Variants in TECPR2 observed in about 807,000 individuals in gnomAD.
TECPR2 encodes tectonin beta-propeller repeat containing 2.
TECPR2 carries 65 observed loss-of-function variants against 138.1 expected under a neutral mutation model. That is an observed-to-expected ratio of 0.47 (90% CI 0.39 to 0.58). The LOEUF is 0.58. Ranked by LOEUF, TECPR2 falls within the 20% of genes least tolerant of loss-of-function variation. TECPR2 has a pLI of 0.00. For synonymous variants in TECPR2, 746 were observed against 749.8 expected (o/e 0.99, Z 0.08); for missense variants, 1,553 against 1,824.5 (o/e 0.85, Z 2.71).
At chr14:102,475,639 T>A (rs1890741891) in intron 17 of TECPR2, among the ~76,000 whole-genome samples, 1 of 152,114 alleles carries the variant, frequency 6.6e-6, no homozygotes, top group African/African-American at 2.4e-5. Context: ...TACCAGCATC[T>A]TAGAACAAAG....
At chr14:102,409,504 G>C (rs1013489763) in intron 4 of TECPR2, among the ~76,000 whole-genome samples, 1 of 152,012 alleles carries the variant, frequency 6.6e-6, no homozygotes, top group African/African-American at 2.4e-5. Context: ...TTACCATGTT[G>C]GTCAGGCTGG....
intron 2 of TECPR2, among the ~76,000 whole-genome samples, chr14:102,394,541 T>A (rs1888264092): frequency 6.6e-6 from 1 of 152,152 alleles, no homozygotes; most frequent in African/African-American, 2.4e-5. Context: ...AGGTCAAGGC[T>A]GCAGTGAGCC....
intron 2 of TECPR2, among the ~76,000 whole-genome samples, chr14:102,401,138 G>A (rs1274071940): frequency 3.3e-5 from 5 of 151,666 alleles, no homozygotes; most frequent in African/African-American, 1.2e-4. Flanking sequence ...TTGTCAAAAT[G>A]GTTTTTAAAA....
intron 17 of TECPR2, among the ~76,000 whole-genome samples, chr14:102,484,387 T>G (rs930289411): frequency 6.6e-6 from 1 of 152,178 alleles, no homozygotes; most frequent in Non-Finnish European, 1.5e-5. Flanking sequence ...TCTGTCTAGT[T>G]CGCCTTTTAC....
Position 102,498,376 on chromosome 14 carries a change from T to G in TECPR2, c.*119T>G. 1 of 1,247,618 alleles carries G rather than the reference T, an allele frequency of 8.0e-7. No individual in the cohort carries two copies. Among genetic ancestry groups the G allele is most frequent in the Non-Finnish European group, 1.1e-6 (1 of 922,178 alleles). The allele number at this position is 1,247,618 out of a possible 1,614,324, so 77.3% of individuals were successfully genotyped here. On this transcript the variant is annotated 3_prime_UTR_variant, in exon 20 of 20. Coordinates refer to ENST00000359520, the MANE Select transcript of TECPR2 (RefSeq NM_014844.5). ...CTTGTCCAGACACCTCTGGCCAGGTTGGACCCGCACACTTACTTTCATCTA... is the reference window on the plus strand; with the variant it reads ...CTTGTCCAGACACCTCTGGCCAGGTGGGACCCGCACACTTACTTTCATCTA...
intron 2 of TECPR2, among the ~76,000 whole-genome samples, chr14:102,399,838 A>C (rs1888423637): frequency 6.6e-6 from 1 of 151,878 alleles, no homozygotes; most frequent in Non-Finnish European, 1.5e-5. Context: ...TCAAAAAAAG[A>C]AATGAAGAAA....
intron 17 of TECPR2, among the ~76,000 whole-genome samples, chr14:102,495,755 G>A (rs113239524): frequency 3.5e-4 from 54 of 152,358 alleles, no homozygotes; most frequent in African/African-American, 1.3e-3. Context: ...CACTGGGACT[G>A]GCCCTGGGGC....
chr14:102,396,840 T>C (rs1026569225), intron 2 of TECPR2, among the ~76,000 whole-genome samples: 2 of 152,202 alleles, frequency 1.3e-5, no homozygotes, highest in African/African-American at 2.4e-5. Flanking sequence ...TCTAAATATT[T>C]GGGGTCTGTG....
Position 102,425,214 on chromosome 14 carries a change from G to A in TECPR2, c.874G>A (p.Val292Ile), listed in dbSNP as rs932143139. The A allele has an allele frequency of 5.6e-6, 9 of 1,613,834 alleles. No homozygotes were observed. The Admixed American group carries it at 1.2e-4, about 21-fold the overall frequency. ...CTTACCTGAGAGGCACCTGGGGCTT[G>A]TTTCATGTTTCTTTCAAGAAGGCTG... is the stretch of plus-strand genomic sequence containing the variant. ...CSLPERHLGL[V>I]SCFFQEGWVL... The change falls in exon 6 of 20, where the codon GTT (valine) becomes ATT (isoleucine). Residue 292 changes from valine to isoleucine, a missense_variant. Physicochemically the swap from Val to Ile is conservative, Grantham distance 29. Coordinates refer to ENST00000359520, the MANE Select transcript of TECPR2 (RefSeq NM_014844.5).
At position 102,434,553 on chromosome 14, in the gene TECPR2, G is replaced by T; in HGVS notation, c.1736G>T (p.Arg579Leu). The T allele has an allele frequency of 6.4e-7, 1 of 1,556,498 alleles. No individual in the cohort carries two copies. Among genetic ancestry groups the T allele is most frequent in the Non-Finnish European group, 8.7e-7 (1 of 1,148,222 alleles). ...EMPHCHHAHG[R>L]ELLNGAREDV... ...CCACACTGTCACCATGCACATGGGC[G>T]GGAGCTGCTCAATGGAGCGAGGGAA... The change falls in exon 9 of 20, where the codon CGG (arginine) becomes CTG (leucine). Residue 579 changes from arginine to leucine, a missense_variant. Arg to Leu is a moderately radical substitution (Grantham distance 102). Transcript: ENST00000359520.
chr14:102,377,321 G>C (rs979997357), intron 2 of TECPR2, among the ~76,000 whole-genome samples: 1 of 152,080 alleles, frequency 6.6e-6, no homozygotes, highest in Admixed American at 6.6e-5. Flanking sequence ...CACCCAGCTA[G>C]TTTTTGTTTT....
At position 102,497,124 on chromosome 14, in the gene TECPR2, G is replaced by T; in HGVS notation, c.3931+4G>T. 1 of 1,609,594 alleles carries T rather than the reference G, an allele frequency of 6.2e-7. No individual in the cohort carries two copies. The highest frequency in any genetic ancestry group is 8.5e-7 in the Non-Finnish European group (1 of 1,179,722). ...ACCGCCTGGGAGCATGTGCCAGGTA[G>T]GAGCCTGCAGACAGGGCCTGTGGTG... On this transcript the variant is annotated splice_donor_region_variant and intron_variant, in intron 18 of 19. Coordinates refer to ENST00000359520, the MANE Select transcript of TECPR2 (RefSeq NM_014844.5).
intron 2 of TECPR2, among the ~76,000 whole-genome samples, chr14:102,406,623 G>A (rs1320599109): frequency 6.6e-6 from 1 of 152,170 alleles, no homozygotes; most frequent in African/African-American, 2.4e-5. Flanking sequence ...AGAGGCCCAG[G>A]CAGGAAGATC....
intron 2 of TECPR2, among the ~76,000 whole-genome samples, chr14:102,394,205 G>T (rs140054299): frequency 6.6e-6 from 1 of 152,214 alleles, no homozygotes; most frequent in African/African-American, 2.4e-5. Context: ...AGTCCTTTGG[G>T]TTAATTCACG....
chr14:102,409,330 G>T (rs1388974327), intron 4 of TECPR2, among the ~76,000 whole-genome samples: 1 of 149,982 alleles, frequency 6.7e-6, no homozygotes, highest in East Asian at 1.9e-4. Context: ...AGACAGTCTC[G>T]CTCTTGTCGC....
chr14:102,390,992 G>A (rs1178447263), intron 2 of TECPR2, among the ~76,000 whole-genome samples: 2 of 152,132 alleles, frequency 1.3e-5, no homozygotes, highest in South Asian at 2.1e-4. Context: ...AGTCAGGAAG[G>A]TAGAGGGCCA....
In TECPR2 at chr14:102,435,143, C is replaced by G. The variant is rs149337621; in HGVS notation, c.2326C>G (p.Pro776Ala). 1.2e-6 allele frequency: 2 copies of G among 1,613,318 alleles called. No individual in the cohort carries two copies. Among genetic ancestry groups the G allele is most frequent in the East Asian group, 2.2e-5 (1 of 44,878 alleles). Residue 776 changes from proline to alanine, a missense_variant, in exon 9 of 20, where the codon CCT becomes GCT. Physicochemically the swap from Pro to Ala is conservative, Grantham distance 27. Transcript: ENST00000359520. ...SSETSVTELG[P>A]SCSQQDLSRL... ...AGAGACGAGTGTGACAGAGCTCGGA[C>G]CTAGTTGCTCCCAGCAGGACCTGAG...
chr14:102,385,564 C>T (rs1159874378), intron 2 of TECPR2, among the ~76,000 whole-genome samples: 1 of 152,068 alleles, frequency 6.6e-6, no homozygotes, highest in Non-Finnish European at 1.5e-5. Context: ...ACAGGCTGTA[C>T]CAGAGATTGA....
At position 102,498,106 on chromosome 14, in the gene TECPR2, C is replaced by T. The variant is rs766050891; in HGVS notation, c.4085C>T (p.Thr1362Ile). The T allele has an allele frequency of 3.1e-5, 50 of 1,612,990 alleles. No homozygotes were observed. The highest frequency in any genetic ancestry group is 4.2e-5 in the Non-Finnish European group (49 of 1,179,776). ...IPGSVSCFTV[T>I]ASDELWAVGP... ...TGATTGGCTCTTGTCCCTGCAGTGA[C>T]TGCGTCAGATGAGCTGTGGGCTGTG... The change falls in exon 20 of 20, where the codon ACT (threonine) becomes ATT (isoleucine). Residue 1362 changes from threonine (T) to isoleucine (I), a missense_variant. Thr to Ile is a moderately conservative substitution (Grantham distance 89). Coordinates refer to ENST00000359520, the MANE Select transcript of TECPR2 (RefSeq NM_014844.5).
Sources: allele counts gnomAD v4.1 joint callset (sites outside exome capture counted in the v4.1 genomes callset), GRCh38; gene constraint gnomAD v4.1.1; transcripts MANE v1.5; gene names NCBI Gene and HGNC (gene_info 2026-07-23, HGNC 2026-07-21).